The following ADGRD2 variants were observed in gnomAD, a reference collection of about 807,000 sequenced individuals.
ADGRD2 encodes the protein G protein-coupled receptor PGR24.
A neutral mutation model predicts 44.4 loss-of-function variants in ADGRD2; 71 were observed. That is an observed-to-expected ratio of 1.60 (90% CI 1.32 to 1.95). The LOEUF (loss-of-function observed/expected upper bound fraction) is 1.95. Ranked by LOEUF, ADGRD2 falls within the 30% of genes most tolerant of loss-of-function variation. ADGRD2 has a pLI of 0.00. For synonymous variants in ADGRD2, 481 were observed against 224.8 expected, an observed-to-expected ratio of 2.14 and a Z score of -10.19; for missense variants, 1,039 against 512.4, an observed-to-expected ratio of 2.03 and a Z score of -9.92.
intron 17 of ADGRD2, among the ~76,000 whole-genome samples, chr9:124,474,802 C>T (rs1453257665): frequency 6.6e-6 from 1 of 152,208 alleles, no homozygotes; most frequent in Non-Finnish European, 1.5e-5. Context: ...ACCCCCACCA[C>T]AGACCTGCTG....
At chr9:124,472,911 G>T (rs562857100) in intron 17 of ADGRD2, among the ~76,000 whole-genome samples, 10 of 152,318 alleles carry the variant, frequency 6.6e-5, no homozygotes, top group Admixed American at 3.9e-4. Flanking sequence ...ACGGTCACCC[G>T]GTGAAGGCAA....
At chr9:124,455,711 A>T (rs112690135) in intron 6 of ADGRD2, among the ~76,000 whole-genome samples, 3,191 of 152,210 alleles carry the variant, frequency 0.021, 195 homozygotes, top group East Asian at 0.2. Context: ...TAAGTGGGGG[A>T]TCTATGCCAA....
chr9:124,456,500 C>A, intron 6 of ADGRD2, 122 bp from the exon 10 acceptor site: 1 of 643,840 alleles, frequency 1.6e-6, no homozygotes, highest in South Asian at 1.7e-5. Context: ...CTTAAAGAGC[C>A]ACGGAGGGTC....
chr9:124,459,263 GGGCGGATCACTTGAGGTCAGGAGTTCGAA>G (rs1564139578), intron 10 of ADGRD2, among the ~76,000 whole-genome samples: 4 of 152,154 alleles, frequency 2.6e-5, no homozygotes, highest in Non-Finnish European at 5.9e-5. Flanking sequence ...AGGCCGAGGC[GGGCGGATCACTTGAGGTCAGGAGTTCGAA>G]ACCAGCCTGG....
At chr9:124,452,396 T>C (rs1831496542) in intron 1 of ADGRD2, 114 bp from the exon 5 acceptor site, 3 of 693,916 alleles carry the variant, frequency 4.3e-6, no homozygotes, top group Non-Finnish European at 8.0e-6. Flanking sequence ...ATGGGCGGGT[T>C]CAGCCCCATC....
At chr9:124,453,370 T>A in exon 3 of ADGRD2, 1 of 549,822 alleles carries the variant, frequency 1.8e-6, no homozygotes, top group Non-Finnish European at 3.1e-6. Flanking sequence ...CTGGGCGCTG[T>A]TCTCCGATGG....
At position 124,461,512 on chromosome 9, in the gene ADGRD2, C is replaced by G. The variant is rs145521727; in HGVS notation, c.1870+2791C>G. On this transcript the variant is annotated intron_variant, in intron 10 of 21. Transcript: ENST00000334810. ...TTTTTTCCATATAGACAACCAGTTCCAATACTATTTGTTGAAAAGATTATT... is the reference window on the plus strand; with the variant it reads ...TTTTTTCCATATAGACAACCAGTTCGAATACTATTTGTTGAAAAGATTATT... Among the ~76,000 whole-genome samples the G allele has an allele frequency of 2.8e-3, 430 of 152,266 alleles. 1 individual carries two copies. The highest frequency in any genetic ancestry group is 0.01 in the African/African-American group (416 of 41,538).
chr9:124,462,367 C>A (rs567443219), intron 10 of ADGRD2, among the ~76,000 whole-genome samples: 1 of 152,316 alleles, frequency 6.6e-6, no homozygotes, highest in East Asian at 1.9e-4. Flanking sequence ...CCACACCCAG[C>A]CTTGTTCTTT....
rs771526892 is a variant in ADGRD2 at position 124,452,745 on chromosome 9, T to C, written c.281+23T>C. 1.7e-5 allele frequency: 12 copies of C among 701,946 alleles called. No individual in the cohort carries two copies. The African/African-American group carries it at 1.9e-4, about 11-fold the overall frequency. 43.5% of individuals were successfully genotyped at this position (701,946 alleles called of 1,614,324 possible). On this transcript the variant is annotated intron_variant, in intron 2 of 21. Transcript: ENST00000334810. ...GGCGTGAGTGTGGGCCCCTGGGAAA[T>C]GGGAGCAAGGGGCAGAGGCTCTGGT...
At chr9:124,453,204 G>A (rs1468819986) in exon 3 of ADGRD2, 1 of 656,016 alleles carries the variant, frequency 1.5e-6, no homozygotes, top group Non-Finnish European at 2.7e-6. Context: ...CGCCCGCGCT[G>A]CCCAACGCGC....
chr9:124,468,016 C>G lies in ADGRD2; in HGVS notation c.2131-72C>G, dbSNP rs1488295000. The G allele has an allele frequency of 4.2e-6, 3 of 716,714 alleles. No homozygotes were observed. In the African/African-American group the frequency reaches 5.2e-5, roughly 13 times the overall value. The allele number at this position is 716,714 out of a possible 1,614,324, so 44.4% of individuals were successfully genotyped here. A position where few individuals can be genotyped will look rare whatever the true frequency, so the allele number is the denominator to read the frequency against. On this transcript the variant is annotated intron_variant, in intron 12 of 21. Transcript: ENST00000334810. Reference sequence around the variant, plus strand: ...ATCTGCCCAGGCACAGGGGATCGGGCAGGACAGGGCCCTACGGGGTGTGGG... The same window carrying G: ...ATCTGCCCAGGCACAGGGGATCGGGGAGGACAGGGCCCTACGGGGTGTGGG...
chr9:124,472,436 T>G (rs113922060), intron 17 of ADGRD2, among the ~76,000 whole-genome samples: 1 of 151,558 alleles, frequency 6.6e-6, no homozygotes, highest in Non-Finnish European at 1.5e-5. Context: ...TGGTTTGTTT[T>G]TTTGTTTGTT....
At chr9:124,459,390 A>T (rs1831683349) in intron 10 of ADGRD2, among the ~76,000 whole-genome samples, 1 of 152,078 alleles carries the variant, frequency 6.6e-6, no homozygotes, top group African/African-American at 2.4e-5. Context: ...GCTACTAGGG[A>T]GGCTGAGGCA....
intron 8 of ADGRD2, among the ~76,000 whole-genome samples, chr9:124,457,890 A>C (rs1246782310): frequency 3.3e-5 from 5 of 152,196 alleles, no homozygotes; most frequent in African/African-American, 4.8e-5. Context: ...GATTAGGGCA[A>C]GGGGCAAAGG....
chr9:124,467,678 G>A (rs1423390445), intron 11 of ADGRD2, 43 bp from the exon 15 acceptor site: 2 of 716,472 alleles, frequency 2.8e-6, no homozygotes, highest in Admixed American at 2.0e-5. Flanking sequence ...GCCTGGGTTG[G>A]GTCTGGGTGG....
At chr9:124,452,479 C>T in intron 1 of ADGRD2, 31 bp from the exon 5 acceptor site, 1 of 718,108 alleles carries the variant, frequency 1.4e-6, no homozygotes, top group Non-Finnish European at 2.6e-6. Flanking sequence ...CCACAAAATG[C>T]ACCCCCCACC....
At chr9:124,458,987 T>C (rs1831673599) in intron 10 of ADGRD2, among the ~76,000 whole-genome samples, 1 of 152,202 alleles carries the variant, frequency 6.6e-6, no homozygotes. Context: ...GCTGACGTGA[T>C]TGGCCCCAGC....
At chr9:124,475,353 C>T (rs146367978) in intron 17 of ADGRD2, 93 bp from the exon 21 acceptor site, 76 of 655,704 alleles carry the variant, frequency 1.2e-4, no homozygotes, top group Middle Eastern at 1.1e-3. Context: ...AGTGTCTCTG[C>T]CACTGGGAGG....
exon 9 of ADGRD2, chr9:124,458,230 T>C (rs1342591052): frequency 1.4e-6 from 1 of 718,172 alleles, no homozygotes; most frequent in South Asian, 1.5e-5. Flanking sequence ...GCAAACAGGG[T>C]GCAGAGGTGA....
Sources: gnomAD v4.1 joint callset for allele counts (sites outside exome capture counted in the v4.1 genomes callset) on GRCh38, gnomAD v4.1.1 for gene constraint, MANE v1.5 for transcripts, NCBI Gene and HGNC (gene_info 2026-07-23, HGNC 2026-07-21) for gene names.